Variants in SLC29A3 observed in about 807,000 individuals in gnomAD.
The protein encoded by SLC29A3 is equilibrative nucleoside transporter 3.
In SLC29A3, 18 loss-of-function variants were observed where a neutral mutation model predicts 25.4. The observed-to-expected ratio is 0.71, with a 90% CI of 0.49 to 1.05. The LOEUF is 1.05. SLC29A3 is among the 50% of genes least tolerant of loss of function. The probability of loss-of-function intolerance (pLI) is 0.00; values close to 1 mark genes in which losing one functional copy is unlikely to be tolerated. For missense variants in SLC29A3, 586 were observed against 609.0 expected, an observed-to-expected ratio of 0.96 and a Z score of 0.40; for synonymous variants, 258 against 267.1, an observed-to-expected ratio of 0.97 and a Z score of 0.33.
At position 71,354,721 on chromosome 10, in the gene SLC29A3, G is replaced by A. The variant is rs528129409; in HGVS notation, c.611-1360G>A. ...CATTCTGATCCTCTGAAGTGGGCAGGTTCATCCCGCCAGTCAACCCAGCTC... is the reference window on the plus strand; with the variant it reads ...CATTCTGATCCTCTGAAGTGGGCAGATTCATCCCGCCAGTCAACCCAGCTC... On this transcript the variant is annotated intron_variant, in intron 4 of 5. Transcript: ENST00000373189. 2.6e-5 allele frequency among the ~76,000 whole-genome samples: 4 copies of A among 152,304 alleles called. No homozygotes were observed. The South Asian group carries it at 8.3e-4, about 32-fold the overall frequency.
intron 2 of SLC29A3, among the ~76,000 whole-genome samples, chr10:71,332,458 A>C (rs755045473): frequency 6.6e-5 from 10 of 152,072 alleles, no homozygotes; most frequent in African/African-American, 2.4e-4. Flanking sequence ...CCAGCAATCC[A>C]ATGTTTAAGA....
chr10:71,339,994 C>T (rs1846356948), intron 2 of SLC29A3, among the ~76,000 whole-genome samples: 1 of 152,236 alleles, frequency 6.6e-6, no homozygotes, highest in Non-Finnish European at 1.5e-5. Flanking sequence ...GGCTTGACAC[C>T]TCTTCAGCAA....
intron 4 of SLC29A3, among the ~76,000 whole-genome samples, chr10:71,378,095 TG>T (rs35084756): frequency 0.51 from 57,397 of 112,664 alleles, 14,949 homozygotes; most frequent in Non-Finnish European, 0.6. Flanking sequence ...TAGACAATGT[TG>T]GGGGGGGGGG....
intron 1 of SLC29A3, 74 bp downstream of exon 1, chr10:71,319,384 TC>T (rs1411026348): frequency 3.4e-6 from 2 of 587,074 alleles, no homozygotes; most frequent in Non-Finnish European, 6.0e-6. Flanking sequence ...GCGACCTCCC[TC>T]CCGGGCCCTG....
intron 3 of SLC29A3, among the ~76,000 whole-genome samples, chr10:71,349,416 T>C (rs780664): frequency 0.65 from 99,227 of 151,892 alleles, 33,983 homozygotes; most frequent in Non-Finnish European, 0.76. Flanking sequence ...GTCTCGGCAG[T>C]GAGCTTCTCT....
chr10:71,329,334 T>A (rs186288045), intron 2 of SLC29A3, among the ~76,000 whole-genome samples: 6 of 151,824 alleles, frequency 4.0e-5, no homozygotes, highest in African/African-American at 1.4e-4. Flanking sequence ...TGCGTGTGCC[T>A]GTAATCCCAG....
rs199619817 is a variant in SLC29A3, at chr10:71,322,899, C to G, written c.145C>G (p.Arg49Gly). The G allele has an allele frequency of 3.7e-5, 59 of 1,614,122 alleles. No individual in the cohort carries two copies. The highest frequency in any genetic ancestry group is 5.1e-6 in the Non-Finnish European group (6 of 1,180,060). The change falls in exon 2 of 6, where the codon CGC becomes GGC. Residue 49 changes from arginine to glycine, a missense_variant. Arg to Gly is a moderately radical substitution (Grantham distance 125, BLOSUM62 -2). Transcript: ENST00000373189. Reference protein sequence around the residue: ...PPPGLQRPEDRFCGTYIIFFS... With the variant: ...PPPGLQRPEDGFCGTYIIFFS... Reference sequence around the variant, plus strand: ...CCCTGGCCTGCAGAGGCCCGAGGACCGCTTCTGTGGCACATACATCATCTT... The same window carrying G: ...CCCTGGCCTGCAGAGGCCCGAGGACGGCTTCTGTGGCACATACATCATCTT...
chr10:71,337,637 C>G (rs371157506), intron 2 of SLC29A3, among the ~76,000 whole-genome samples: 5 of 152,182 alleles, frequency 3.3e-5, no homozygotes, highest in African/African-American at 7.2e-5. Context: ...TGCCGCAGCT[C>G]GTGACTAATT....
chr10:71,360,228 C>T (rs934104115), intron 5 of SLC29A3, among the ~76,000 whole-genome samples: 3 of 137,474 alleles, frequency 2.2e-5, no homozygotes, highest in Non-Finnish European at 4.6e-5. Context: ...ACTGCAATGT[C>T]CATCTCCCGA....
At chr10:71,325,754 G>A (rs1290970689) in intron 2 of SLC29A3, among the ~76,000 whole-genome samples, 1 of 152,076 alleles carries the variant, frequency 6.6e-6, no homozygotes, top group Non-Finnish European at 1.5e-5. Flanking sequence ...GAGCTTGTTA[G>A]TGATGCAGTC....
At chr10:71,335,356 C>T (rs1403726012) in intron 2 of SLC29A3, among the ~76,000 whole-genome samples, 1 of 152,208 alleles carries the variant, frequency 6.6e-6, no homozygotes, top group East Asian at 1.9e-4. Context: ...GTGGAGCCCC[C>T]AAGGTTTCCG....
chr10:71,330,575 T>A (rs1846094353), intron 2 of SLC29A3, among the ~76,000 whole-genome samples: 1 of 152,246 alleles, frequency 6.6e-6, no homozygotes, highest in East Asian at 1.9e-4. Flanking sequence ...CTGTGTGGGT[T>A]GGAGGCATGC....
At chr10:71,378,715 C>G (rs555384100) in intron 4 of SLC29A3, among the ~76,000 whole-genome samples, 1 of 152,340 alleles carries the variant, frequency 6.6e-6, no homozygotes, top group Admixed American at 6.5e-5. Flanking sequence ...TGAGTCTGTG[C>G]TGAAGTTTGA....
exon 5 of SLC29A3, chr10:71,380,985 A>C (rs1006878721): frequency 6.6e-6 from 1 of 152,142 alleles, no homozygotes; most frequent in Non-Finnish European, 1.5e-5. Flanking sequence ...TTCAACAATG[A>C]TCAACTCGAG....
At chr10:71,324,768 A>G (rs1361704412) in intron 2 of SLC29A3, among the ~76,000 whole-genome samples, 1 of 152,080 alleles carries the variant, frequency 6.6e-6, no homozygotes, top group Non-Finnish European at 1.5e-5. Context: ...GCTATACATC[A>G]GAGGTGGGGA....
chr10:71,373,790 G>A (rs1847229459), intron 3 of SLC29A3, among the ~76,000 whole-genome samples: 1 of 152,160 alleles, frequency 6.6e-6, no homozygotes, highest in Admixed American at 6.5e-5. Flanking sequence ...AACCTATAAG[G>A]AAGGGCTGGG....
At chr10:71,341,220 C>T (rs1458955807) in intron 2 of SLC29A3, among the ~76,000 whole-genome samples, 2 of 151,592 alleles carry the variant, frequency 1.3e-5, no homozygotes, top group African/African-American at 4.9e-5. Context: ...GGGGTCAGCT[C>T]CTCCTTTGGT....
At chr10:71,335,408 A>G (rs1026992316) in intron 2 of SLC29A3, among the ~76,000 whole-genome samples, 5 of 152,298 alleles carry the variant, frequency 3.3e-5, no homozygotes, top group South Asian at 2.1e-4. Context: ...AAGGTGCAGG[A>G]GGGGCCTGGA....
At position 71,362,314 on chromosome 10, in the gene SLC29A3, G is replaced by C; in HGVS notation, c.1134G>C (p.Ala378=). The change falls in exon 6 of 6, where the codon GCG becomes GCC. Residue 378 remains alanine, a synonymous_variant. Transcript: ENST00000373189. ...WIQVPGPNSK[A]LPGFVLLRTC... is the part of the protein sequence containing the mutation. ...AGGTGCCAGGGCCCAATAGCAAGGC[G>C]CTCCCAGGGTTCGTGCTCCTCCGGA... 6.2e-7 allele frequency: 1 copy of C among 1,614,128 alleles called. No individual in the cohort carries two copies. The highest frequency in any genetic ancestry group is 1.1e-5 in the South Asian group (1 of 91,072).
Sources: gnomAD v4.1 joint callset for allele counts (sites outside exome capture counted in the v4.1 genomes callset) on GRCh38, gnomAD v4.1.1 for gene constraint, MANE v1.5 for transcripts, NCBI Gene and HGNC (gene_info 2026-07-23, HGNC 2026-07-21) for gene names.